Variants in KCNT1 observed in about 807,000 individuals in gnomAD.
The protein encoded by KCNT1 is potassium sodium-activated channel subfamily T member 1, also known as potassium channel subfamily T member 1.
A neutral mutation model predicts 147.8 loss-of-function variants in KCNT1; 78 were observed. That is an observed-to-expected ratio of 0.53 (90% confidence interval 0.44 to 0.64). The LOEUF (loss-of-function observed/expected upper bound fraction) is 0.64. KCNT1 is among the 30% of genes least tolerant of loss of function. The probability of loss-of-function intolerance (pLI) is 0.00; values close to 1 mark genes in which losing one functional copy is unlikely to be tolerated. For synonymous variants in KCNT1, 867 were observed against 748.8 expected (o/e 1.16, Z -2.58); for missense variants, 1,419 against 1,750.3 (o/e 0.81, Z 3.38).
intron 2 of KCNT1, among the ~76,000 whole-genome samples, chr9:135,732,040 A>AGG (rs1564328425): frequency 5.2e-5 from 7 of 135,394 alleles, no homozygotes; most frequent in East Asian, 2.1e-4. Context: ...AGAGAGAGAG[A>AGG]GGGAGTCTCA....
intron 2 of KCNT1, among the ~76,000 whole-genome samples, chr9:135,728,179 C>T (rs563362): frequency 0.95 from 144,753 of 152,256 alleles, 68,823 homozygotes; most frequent in East Asian, 0.99. Flanking sequence ...AGGAAGGACC[C>T]TCCCTAGGGC....
At chr9:135,773,621 T>C (rs565762229) in intron 19 of KCNT1, among the ~76,000 whole-genome samples, 20 of 152,380 alleles carry the variant, frequency 1.3e-4, no homozygotes, top group African/African-American at 4.3e-4. Flanking sequence ...GCTTCTGCCT[T>C]TTGGCCTCAG....
At chr9:135,786,581 AGCCAAGAACAGTCGGCCACG>A in intron 29 of KCNT1, 60 bp downstream of exon 29, 1 of 1,448,372 alleles carries the variant, frequency 6.9e-7, no homozygotes, top group South Asian at 1.3e-5. Flanking sequence ...GTCGGGCCAC[AGCCAAGAACAGTCGGCCACG>A]GCGTCCCGGG....
chr9:135,752,619 G>A lies in KCNT1; in HGVS notation c.435-1318G>A, dbSNP rs75722516. ...ATGATGGATGGATGGTTGGATGGAT[G>A]GTGGATGATGGATGGATGGACGGAC... On this transcript the variant is annotated intron_variant, in intron 4 of 30. Transcript: ENST00000371757. This position sits in a 1 kb window ranked among gnomAD's most constrained non-coding sequence, Gnocchi z 5.1. 0.047 allele frequency among the ~76,000 whole-genome samples: 7,128 copies of A among 151,962 alleles called. 447 individuals carry two copies. The highest frequency in any genetic ancestry group is 0.32 in the East Asian group (1,620 of 5,142).
At chr9:135,761,619 G>A (rs888793637) in intron 11 of KCNT1, among the ~76,000 whole-genome samples, 4 of 152,216 alleles carry the variant, frequency 2.6e-5, no homozygotes, top group Non-Finnish European at 4.4e-5. Flanking sequence ...ACCTTGCTAC[G>A]GGCCCCCAGC....
chr9:135,788,650 G>T (rs1204938858), intron 29 of KCNT1, among the ~76,000 whole-genome samples: 3 of 152,214 alleles, frequency 2.0e-5, no homozygotes, highest in Non-Finnish European at 4.4e-5. Context: ...CTGGATGCAG[G>T]GGTGGGGACT....
chr9:135,770,374 A>C lies in KCNT1; in HGVS notation c.1696A>C (p.Met566Leu), dbSNP rs1832669452. ...CSGNEVYHIRMGDSKFFREYE... is the reference protein window; with the variant it reads ...CSGNEVYHIRLGDSKFFREYE... ...CGGCAACGAGGTGTACCACATCCGC[A>C]TGGGTGACAGCAAGTTCTTCCGCGA... is the stretch of plus-strand genomic sequence containing the variant. The change falls in exon 17 of 31, where the codon ATG (methionine) becomes CTG (leucine). Residue 566 changes from methionine (M) to leucine (L), a missense_variant. Around this residue, in one of 5 missense-constraint regions of KCNT1, gnomAD observed 284 missense variants for 292.8 expected, o/e 0.97. Coordinates refer to ENST00000371757, the MANE Select transcript of KCNT1 (RefSeq NM_020822.3). 3 of 1,613,228 alleles carry C rather than the reference A, an allele frequency of 1.9e-6. No individual in the cohort carries two copies. Among genetic ancestry groups the C allele is most frequent in the South Asian group, 1.1e-5 (1 of 91,072 alleles).
At chr9:135,733,925 T>G (rs1830230398) in intron 2 of KCNT1, among the ~76,000 whole-genome samples, 3 of 146,536 alleles carry the variant, frequency 2.0e-5, no homozygotes, top group Non-Finnish European at 3.0e-5. Flanking sequence ...CACCTGCCTG[T>G]TCCCTCCCCC....
rs113333501 is a variant in KCNT1 at position 135,770,008 on chromosome 9, G to A, written c.1572G>A (p.Pro524=). Residue 524 remains proline, a synonymous_variant, in exon 16 of 31, where the codon CCG becomes CCA. Coordinates refer to ENST00000371757, the MANE Select transcript of KCNT1 (RefSeq NM_020822.3). ...YAMLALNCIC[P]ATSTLITLLV... ...TGCTGGCGCTGAACTGCATCTGCCC[G>A]GCGACCTCCACCCTCATCACCCTGC... 4.4e-5 allele frequency: 69 copies of A among 1,557,076 alleles called. 1 individual carries two copies. The highest frequency in any genetic ancestry group is 3.7e-4 in the Middle Eastern group (2 of 5,448).
intron 1 of KCNT1, among the ~76,000 whole-genome samples, chr9:135,702,681 G>A (rs1835079926): frequency 6.6e-6 from 1 of 152,066 alleles, no homozygotes; most frequent in Admixed American, 6.5e-5. Context: ...TGGCAGGGAG[G>A]CTGGGGGCGG....
intron 29 of KCNT1, 140 bp downstream of exon 29, chr9:135,786,661 GC>G: frequency 2.4e-6 from 2 of 821,590 alleles, no homozygotes; most frequent in Non-Finnish European, 3.6e-6. Context: ...AGCCTTTCTG[GC>G]CACCCTCTGC....
At chr9:135,716,579 A>C (rs2131333336) in intron 2 of KCNT1, among the ~76,000 whole-genome samples, 1 of 152,262 alleles carries the variant, frequency 6.6e-6, no homozygotes, top group African/African-American at 2.4e-5. Context: ...CTCCTTAACC[A>C]CTGGGACTCA....
At chr9:135,785,900 G>T in intron 28 of KCNT1, 1 of 509,568 alleles carries the variant, frequency 2.0e-6, no homozygotes, top group Non-Finnish European at 3.5e-6. Context: ...AGAAATAAGG[G>T]CTCAGAGAGG....
intron 3 of KCNT1, 36 bp from the exon 4 acceptor site, chr9:135,750,906 T>C (rs1391732290): frequency 5.0e-6 from 8 of 1,594,080 alleles, no homozygotes; most frequent in Non-Finnish European, 6.9e-6. Flanking sequence ...AGCCCAGAGC[T>C]GGGTCAGAGC....
At chr9:135,734,198 G>T (rs922492638) in intron 2 of KCNT1, among the ~76,000 whole-genome samples, 6 of 152,150 alleles carry the variant, frequency 3.9e-5, no homozygotes, top group Admixed American at 6.5e-5. Context: ...TAGCCATAGG[G>T]TCGAGCCTCT....
chr9:135,705,902 G>A (rs998530502), intron 1 of KCNT1, among the ~76,000 whole-genome samples: 20 of 152,234 alleles, frequency 1.3e-4, no homozygotes, highest in South Asian at 2.1e-4. Flanking sequence ...GATCGGGGGC[G>A]GGAGGTGGGG....
intron 29 of KCNT1, among the ~76,000 whole-genome samples, chr9:135,788,410 G>T (rs766294190): frequency 6.6e-6 from 1 of 152,372 alleles, no homozygotes; most frequent in East Asian, 1.9e-4. Context: ...GCTGTTGGCC[G>T]CCAGGCAGAG....
chr9:135,757,164 C>T lies in KCNT1; in HGVS notation c.609C>T (p.Ile203=), dbSNP rs1238428378. The change falls in exon 8 of 31, where the codon ATC becomes ATT. Residue 203 remains isoleucine (I), a synonymous_variant. Coordinates refer to ENST00000371757, the MANE Select transcript of KCNT1 (RefSeq NM_020822.3). ...LLIYLSYKGN[I]WEQIFRVSFV... ...CCCCCGTTTGGCCCCAGGGCAACATCTGGGAGCAGATCTTCCGCGTGTCCT... is the reference window on the plus strand; with the variant it reads ...CCCCCGTTTGGCCCCAGGGCAACATTTGGGAGCAGATCTTCCGCGTGTCCT... The T allele has an allele frequency of 6.3e-7, 1 of 1,592,908 alleles. No individual in the cohort carries two copies. The highest frequency in any genetic ancestry group is 8.6e-7 in the Non-Finnish European group (1 of 1,169,532).
rs76918958 is a variant in KCNT1, at chr9:135,755,208, T to G, written c.540+39T>G. The stretch of plus-strand genomic sequence containing the variant: ...CCTGCCCCCCTCCCGACTGCAGTGG[T>G]GCTCAGTAAGCACTGAGGACCAACC... On this transcript the variant is annotated intron_variant, in intron 6 of 30. Transcript: ENST00000371757. 5.0e-3 allele frequency: 7,877 copies of G among 1,578,312 alleles called. 341 individuals are homozygous for G. The African/African-American group carries it at 0.095, about 19-fold the overall frequency.
Sources: allele counts gnomAD v4.1 joint callset (sites outside exome capture counted in the v4.1 genomes callset), GRCh38; gene constraint gnomAD v4.1.1; regional missense constraint gnomAD v4.1.1; non-coding constraint Gnocchi (gnomAD v3.1); transcripts MANE v1.5; gene names NCBI Gene and HGNC (gene_info 2026-07-23, HGNC 2026-07-21).